The following PANK4 variants were observed in gnomAD, a reference collection of about 807,000 sequenced individuals.
PANK4 encodes 4'-phosphopantetheine phosphatase.
A neutral mutation model predicts 87.9 loss-of-function variants in PANK4; 40 were observed. That is an observed-to-expected ratio of 0.46 (90% CI 0.35 to 0.59). PANK4 has a LOEUF of 0.59. PANK4 is among the 20% of genes least tolerant of loss of function. PANK4 has a pLI of 0.00. For synonymous variants in PANK4, 524 were observed against 467.4 expected (o/e 1.12, Z -1.56); for missense variants, 926 against 1,072.3 (o/e 0.86, Z 1.90).
rs557507088 is a variant in PANK4 at position 2,510,897 on chromosome 1, C to A, written c.1834-115G>T. 2.9e-6 allele frequency: 2 copies of A among 681,452 alleles called. No homozygotes were observed. The highest frequency in any genetic ancestry group is 3.3e-5 in the South Asian group (2 of 60,660). The allele number at this position is 681,452 out of a possible 1,614,324, so 42.2% of individuals were successfully genotyped here. ...GGGGCCGAGACTGGGGGCTTCAGGG[C>A]CCCAGAGATGCCAGGGATGGGCTGT... is the stretch of plus-strand genomic sequence containing the variant. On this transcript the variant is annotated intron_variant, in intron 15 of 18. Coordinates refer to ENST00000378466, the MANE Select transcript of PANK4 (RefSeq NM_018216.4). This position sits in a 1 kb window ranked among gnomAD's most constrained non-coding sequence, Gnocchi z 4.9.
rs1643844743 is a variant in PANK4, at chr1:2,519,381, G to A, written c.854-57C>T. On this transcript the variant is annotated intron_variant, in intron 6 of 18. Coordinates refer to ENST00000378466, the MANE Select transcript of PANK4 (RefSeq NM_018216.4). This position sits in a 1 kb window ranked among gnomAD's most constrained non-coding sequence, Gnocchi z 8.3. ...CAAGTACAGCAAGTGCACGACATGA[G>A]AGCGAGCAGGAGGGGAGGGGGAGAG... 13 of 1,014,064 alleles carry A rather than the reference G, an allele frequency of 1.3e-5. No homozygotes were observed. The highest frequency in any genetic ancestry group is 1.8e-5 in the Non-Finnish European group (13 of 741,058). 62.8% of individuals were successfully genotyped at this position (1,014,064 alleles called of 1,614,324 possible). A position where few individuals can be genotyped will look rare whatever the true frequency, so the allele number is the denominator to read the frequency against.
At position 2,512,991 on chromosome 1, in the gene PANK4, C is replaced by T. The variant is rs764779513; in HGVS notation, c.1624G>A (p.Val542Met). ...CAGCCCAGCGCGTCCAGGGAGCGCA[C>T]GACCCCGGGGAAGCACCTCAGCGCC... Reference protein sequence around the residue: ...GVALRCFPGVVRSLDALGWEE... With the variant: ...GVALRCFPGVMRSLDALGWEE... Residue 542 changes from valine to methionine, a missense_variant, in exon 13 of 19, where the codon GTG (valine) becomes ATG (methionine). By Grantham distance (21) the Val-to-Met change is conservative (BLOSUM62 1). Coordinates refer to ENST00000378466, the MANE Select transcript of PANK4 (RefSeq NM_018216.4). 31 of 1,611,252 alleles carry T rather than the reference C, an allele frequency of 1.9e-5. No homozygotes were observed. Among genetic ancestry groups the T allele is most frequent in the South Asian group, 4.4e-5 (4 of 91,020 alleles).
At position 2,521,258 on chromosome 1, in the gene PANK4, C is replaced by T. The variant is rs1409042255; in HGVS notation, c.265G>A (p.Ala89Thr). The stretch of plus-strand genomic sequence containing the variant: ...TCAAACTTAATGAAGTGCAGTCGAG[C>T]AGTGATCTCTTCTTGAACTGAAATC... ...YEISVQEEIT[A>T]RLHFIKFENT... The change falls in exon 3 of 19, where the codon GCT (alanine) becomes ACT (threonine). Residue 89 changes from alanine to threonine, a missense_variant. Physicochemically the swap from Ala to Thr is moderately conservative, Grantham distance 58. Transcript: ENST00000378466. 1.2e-6 allele frequency: 2 copies of T among 1,613,860 alleles called. No individual in the cohort carries two copies. The highest frequency in any genetic ancestry group is 2.7e-5 in the African/African-American group (2 of 74,946).
intron 8 of PANK4, 87 bp from the exon 9 acceptor site, chr1:2,518,351 C>T (rs1463117862): frequency 3.8e-6 from 4 of 1,043,496 alleles, no homozygotes. Context: ...TATAAAATCG[C>T]TTATTAACTA....
At chr1:2,518,697 A>G (rs1643830609) in intron 7 of PANK4, 100 bp from the exon 8 acceptor site, 1 of 1,015,790 alleles carries the variant, frequency 9.8e-7, no homozygotes, top group East Asian at 2.6e-5. Context: ...CGCGCGGCCC[A>G]AACCCTCGAA....
Position 2,521,777 on chromosome 1 carries a change from A to G in PANK4, c.148T>C (p.Tyr50His), listed in dbSNP as rs779909819. The G allele has an allele frequency of 6.2e-7, 1 of 1,613,978 alleles. No homozygotes were observed. The highest frequency in any genetic ancestry group is 2.2e-5 in the East Asian group (1 of 44,884). Reference sequence around the variant, plus strand: ...ACTTTGTGCTGTACCGTTGAATAGTAGGCCAGCTTGGTTAACGACCCGCCT... The same window carrying G: ...ACTTTGTGCTGTACCGTTGAATAGTGGGCCAGCTTGGTTAACGACCCGCCT... ...DIGGSLTKLA[Y>H]YSTVQHKVAK... is the part of the protein sequence containing the mutation. Residue 50 changes from tyrosine (Y) to histidine (H), a missense_variant, in exon 2 of 19, where the codon TAC (tyrosine) becomes CAC (histidine). Physicochemically the swap from Tyr to His is moderately conservative, Grantham distance 83. Coordinates refer to ENST00000378466, the MANE Select transcript of PANK4 (RefSeq NM_018216.4).
rs1557444619 is a variant in PANK4 at position 2,519,112 on chromosome 1, T to TA, written c.1035+30dup. 1.4e-5 allele frequency: 22 copies of TA among 1,596,172 alleles called. No homozygotes were observed. The highest frequency in any genetic ancestry group is 5.4e-5 in the African/African-American group (4 of 74,616). On this transcript the variant is annotated intron_variant, in intron 7 of 18. Coordinates refer to ENST00000378466, the MANE Select transcript of PANK4 (RefSeq NM_018216.4). This position sits in a 1 kb window ranked among gnomAD's most constrained non-coding sequence, Gnocchi z 8.3. Reference sequence around the variant, plus strand: ...TGGGAAGATCCTGGGGGGTCTGCGTTAGAGGCTGGGGAGGGCGGCGCATCC... The same window carrying TA: ...TGGGAAGATCCTGGGGGGTCTGCGTTAAGAGGCTGGGGAGGGCGGCGCATCC...
intron 14 of PANK4, 55 bp from the exon 15 acceptor site, chr1:2,511,442 G>A: frequency 7.4e-7 from 1 of 1,359,558 alleles, no homozygotes; most frequent in Non-Finnish European, 1.1e-6. Context: ...CAGGGGTCAG[G>A]GAGACGCGTC....
chr1:2,508,705 A>C lies in PANK4; in HGVS notation c.*142T>G. 6.5e-6 allele frequency: 4 copies of C among 614,570 alleles called. No homozygotes were observed. The highest frequency in any genetic ancestry group is 1.2e-5 in the Non-Finnish European group (4 of 341,354). The allele number at this position is 614,570 out of a possible 1,614,324, so 38.1% of individuals were successfully genotyped here. A position where few individuals can be genotyped will look rare whatever the true frequency, so the allele number is the denominator to read the frequency against. On this transcript the variant is annotated 3_prime_UTR_variant, in exon 19 of 19. Coordinates refer to ENST00000378466, the MANE Select transcript of PANK4 (RefSeq NM_018216.4). The surrounding 1 kb of genome is among the most constrained non-coding windows in gnomAD (Gnocchi z 5.1). ...CAAAGCTGCGTCTCGCCTCTGGGTCACACGCATCTGTGCGGCTGGGGTGTA... is the reference window on the plus strand; with the variant it reads ...CAAAGCTGCGTCTCGCCTCTGGGTCCCACGCATCTGTGCGGCTGGGGTGTA...
chr1:2,515,792 ACTCTCT>A lies in PANK4; in HGVS notation c.1219-81_1219-76del, dbSNP rs947778948. The A allele has an allele frequency of 2.8e-5, 39 of 1,379,058 alleles. No homozygotes were observed. In the Admixed American group the frequency reaches 3.7e-4, roughly 13 times the overall value. 85.4% of individuals were successfully genotyped at this position (1,379,058 alleles called of 1,614,324 possible). A position where few individuals can be genotyped will look rare whatever the true frequency, so the allele number is the denominator to read the frequency against. On this transcript the variant is annotated intron_variant, in intron 9 of 18. Coordinates refer to ENST00000378466, the MANE Select transcript of PANK4 (RefSeq NM_018216.4). The surrounding 1 kb of genome is among the most constrained non-coding windows in gnomAD (Gnocchi z 5.0). ...ACCCAAGCCACACTCAGAAGCTTCC[ACTCTCT>A]CTCTAAGAAGGGAGATGTACTGCCT...
At chr1:2,521,339 C>T (rs759626161) in intron 2 of PANK4, 24 bp from the exon 3 acceptor site, 54 of 1,582,552 alleles carry the variant, frequency 3.4e-5, no homozygotes, top group Middle Eastern at 3.3e-4. Context: ...TAGGGGAGGC[C>T]GCATGTGTGT....
In PANK4 at chr1:2,510,267, G is replaced by A. The variant is rs554926213; in HGVS notation, c.1939-110C>T. On this transcript the variant is annotated intron_variant, in intron 16 of 18. Transcript: ENST00000378466. This position sits in a 1 kb window ranked among gnomAD's most constrained non-coding sequence, Gnocchi z 4.9. ...GCTGGGTGAGGGTGCTGTGCCCAGC[G>A]GGCCTGGCCAGCCACCTGCTGCTGA... 1.9e-5 allele frequency: 14 copies of A among 746,570 alleles called. No individual in the cohort carries two copies. In the East Asian group the frequency reaches 2.4e-4, roughly 13 times the overall value. The allele number at this position is 746,570 out of a possible 1,614,324, so 46.2% of individuals were successfully genotyped here. A position where few individuals can be genotyped will look rare whatever the true frequency, so the allele number is the denominator to read the frequency against.
At chr1:2,517,825 A>G (rs1000515170) in intron 9 of PANK4, among the ~76,000 whole-genome samples, 10 of 152,220 alleles carry the variant, frequency 6.6e-5, no homozygotes, top group Non-Finnish European at 1.2e-4. Flanking sequence ...TTCGGGTTTC[A>G]ACTCCAAAGT....
rs565282368 is a variant in PANK4, at chr1:2,520,605, C to A, written c.606+118G>T. 7 of 1,129,004 alleles carry A rather than the reference C, an allele frequency of 6.2e-6. 1 individual carries two copies. The highest frequency in any genetic ancestry group is 4.6e-5 in the African/African-American group (3 of 64,606). The allele number at this position is 1,129,004 out of a possible 1,614,324, so 69.9% of individuals were successfully genotyped here. A position where few individuals can be genotyped will look rare whatever the true frequency, so the allele number is the denominator to read the frequency against. ...AGGCTCTGAGCTCACAGCCTCGCCA[C>A]CCCCCTCCCGCCCACTGGGCCCCAT... On this transcript the variant is annotated intron_variant, in intron 4 of 18. Coordinates refer to ENST00000378466, the MANE Select transcript of PANK4 (RefSeq NM_018216.4). The surrounding 1 kb of genome is among the most constrained non-coding windows in gnomAD (Gnocchi z 6.2).
Position 2,520,332 on chromosome 1 carries a change from G to A in PANK4, c.689C>T (p.Thr230Ile). ...GCAGCTGCCGCATACCTTCGTTTTG[G>A]TGAGCAGAGCGCCAAGCCCCCAGAA... ...GTFWGLGALL[T>I]KTKKFDELLH... Residue 230 changes from threonine (T) to isoleucine (I), a missense_variant, in exon 5 of 19, where the codon ACC becomes ATC. Physicochemically the swap from Thr to Ile is moderately conservative, Grantham distance 89 (BLOSUM62 -1). Transcript: ENST00000378466. This position sits in a 1 kb window ranked among gnomAD's most constrained non-coding sequence, Gnocchi z 6.2. 6.2e-7 allele frequency: 1 copy of A among 1,612,832 alleles called. No individual in the cohort carries two copies. Among genetic ancestry groups the A allele is most frequent in the Non-Finnish European group, 8.5e-7 (1 of 1,179,862 alleles).
chr1:2,521,874 T>A (rs1557448239), intron 1 of PANK4, 74 bp from the exon 2 acceptor site: 3 of 1,127,498 alleles, frequency 2.7e-6, no homozygotes, highest in Non-Finnish European at 4.1e-6. Flanking sequence ...TGCCCCACAC[T>A]CTCTGGGTGT....
Position 2,510,163 on chromosome 1 carries a change from G to T in PANK4, c.1939-6C>A. On this transcript the variant is annotated splice_polypyrimidine_tract_variant and splice_region_variant and intron_variant, in intron 16 of 18. Coordinates refer to ENST00000378466, the MANE Select transcript of PANK4 (RefSeq NM_018216.4). This position sits in a 1 kb window ranked among gnomAD's most constrained non-coding sequence, Gnocchi z 4.9. ...GAGTTGCACGCCAGGATGACCTGCAGGAGGAGGGCCCAGGCTCTTTAGGAA... is the reference window on the plus strand; with the variant it reads ...GAGTTGCACGCCAGGATGACCTGCATGAGGAGGGCCCAGGCTCTTTAGGAA... 1 of 1,575,328 alleles carries T rather than the reference G, an allele frequency of 6.3e-7. No homozygotes were observed. The highest frequency in any genetic ancestry group is 8.7e-7 in the Non-Finnish European group (1 of 1,152,314).
Position 2,521,223 on chromosome 1 carries a change from G to A in PANK4, c.300C>T (p.Tyr100=), listed in dbSNP as rs1187657551. 2.1e-5 allele frequency: 34 copies of A among 1,613,726 alleles called. No individual in the cohort carries two copies. Among genetic ancestry groups the A allele is most frequent in the Non-Finnish European group, 2.9e-5 (34 of 1,179,748 alleles). ...RLHFIKFENT[Y]IEACLDFIKD... ...TGATGAAGTCCAGGCAGGCTTCGAT[G>A]TAGGTATTCTCAAACTTAATGAAGT... Residue 100 remains tyrosine (Y), a synonymous_variant, in exon 3 of 19, where the codon TAC becomes TAT. Transcript: ENST00000378466.
intron 13 of PANK4, among the ~76,000 whole-genome samples, chr1:2,512,216 G>A (rs733307): frequency 0.2 from 30,381 of 152,156 alleles, 3,548 homozygotes; most frequent in East Asian, 0.43. Context: ...GGCTGCGGGA[G>A]GGGCCTGTGT....
Sources: gnomAD v4.1 joint callset for allele counts (sites outside exome capture counted in the v4.1 genomes callset) on GRCh38, gnomAD v4.1.1 for gene constraint, Gnocchi (gnomAD v3.1) non-coding constraint, MANE v1.5 for transcripts, NCBI Gene and HGNC (gene_info 2026-07-23, HGNC 2026-07-21) for gene names.